TAFA1: variants seen among roughly 807,000 people sequenced by gnomAD.
The protein encoded by TAFA1 is chemokine-like protein TAFA-1.
A neutral mutation model predicts 18.5 loss-of-function variants in TAFA1; 4 were observed. The observed-to-expected ratio is 0.22, with a 90% CI of 0.11 to 0.49. The LOEUF (loss-of-function observed/expected upper bound fraction) is 0.49. TAFA1 is among the 20% of genes least tolerant of loss of function. The pLI is 0.98. For missense variants in TAFA1, 147 were observed against 169.0 expected, an observed-to-expected ratio of 0.87 and a Z score of 0.72; for synonymous variants, 56 against 55.2, an observed-to-expected ratio of 1.01 and a Z score of -0.06.
intron 2 of TAFA1, among the ~76,000 whole-genome samples, chr3:68,089,533 A>G (rs2065008359): frequency 6.6e-6 from 1 of 152,172 alleles, no homozygotes; most frequent in Non-Finnish European, 1.5e-5. Context: ...TATAAGAGAG[A>G]AGGCAAATAC....
intron 2 of TAFA1, among the ~76,000 whole-genome samples, chr3:68,077,614 G>C (rs1461824714): frequency 6.6e-6 from 1 of 151,914 alleles, no homozygotes; most frequent in Non-Finnish European, 1.5e-5. Flanking sequence ...AGATCAGATA[G>C]TTGTAGATAT....
intron 3 of TAFA1, among the ~76,000 whole-genome samples, chr3:68,463,608 C>T (rs1277544132): frequency 6.6e-6 from 1 of 152,104 alleles, no homozygotes; most frequent in Non-Finnish European, 1.5e-5. Flanking sequence ...GAATCTTGAT[C>T]CATGTCCTGT....
intron 2 of TAFA1, among the ~76,000 whole-genome samples, chr3:68,217,378 T>A (rs1172532753): frequency 6.6e-6 from 1 of 151,976 alleles, no homozygotes; most frequent in African/African-American, 2.4e-5. Context: ...CTATAAGTTA[T>A]CTGACCAGTA....
intron 3 of TAFA1, among the ~76,000 whole-genome samples, chr3:68,479,637 A>G (rs1235364826): frequency 6.6e-6 from 1 of 152,118 alleles, no homozygotes; most frequent in East Asian, 1.9e-4. Context: ...TTTGTAGGAG[A>G]GATTCTGGAA....
At chr3:68,263,537 C>A (rs2067479885) in intron 2 of TAFA1, among the ~76,000 whole-genome samples, 1 of 151,258 alleles carries the variant, frequency 6.6e-6, no homozygotes, top group Non-Finnish European at 1.5e-5. Context: ...AAGTTACTGG[C>A]ATTTGACTCT....
chr3:68,097,076 G>A (rs2065094974), intron 2 of TAFA1, among the ~76,000 whole-genome samples: 1 of 152,074 alleles, frequency 6.6e-6, no homozygotes, highest in African/African-American at 2.4e-5. Context: ...GCTCTGGGAT[G>A]ATTCCTAAGC....
At chr3:68,293,712 C>G (rs1485941294) in intron 2 of TAFA1, among the ~76,000 whole-genome samples, 2 of 152,102 alleles carry the variant, frequency 1.3e-5, no homozygotes, top group Admixed American at 6.6e-5. Flanking sequence ...TATTTAATAT[C>G]TTAGGTTTTT....
intron 2 of TAFA1, among the ~76,000 whole-genome samples, chr3:68,074,460 C>T (rs1402665067): frequency 6.6e-6 from 1 of 152,126 alleles, no homozygotes; most frequent in Admixed American, 6.5e-5. Context: ...CTATTTCCTG[C>T]TCTATGACCT....
chr3:68,225,392 C>A (rs2066785803), intron 2 of TAFA1, among the ~76,000 whole-genome samples: 1 of 152,018 alleles, frequency 6.6e-6, no homozygotes, highest in Non-Finnish European at 1.5e-5. Flanking sequence ...ATAAATTTAC[C>A]CACACCAAAG....
chr3:68,044,926 G>T (rs1705237437), intron 2 of TAFA1, among the ~76,000 whole-genome samples: 1 of 152,210 alleles, frequency 6.6e-6, no homozygotes, highest in African/African-American at 2.4e-5. Context: ...CATCGTAATT[G>T]TATGAATCGG....
intron 2 of TAFA1, among the ~76,000 whole-genome samples, chr3:68,236,880 T>C (rs1417785797): frequency 1.3e-5 from 2 of 152,190 alleles, no homozygotes; most frequent in Non-Finnish European, 2.9e-5. Context: ...TGGAGAATTA[T>C]TGACAGCACA....
chr3:68,049,049 T>C (rs2064432815), intron 2 of TAFA1, among the ~76,000 whole-genome samples: 1 of 152,200 alleles, frequency 6.6e-6, no homozygotes, highest in African/African-American at 2.4e-5. Flanking sequence ...CTGTTCTCCA[T>C]AGTGATTGCA....
intron 2 of TAFA1, among the ~76,000 whole-genome samples, chr3:68,104,662 TATAA>T (rs1046023284): frequency 5.9e-5 from 9 of 152,204 alleles, no homozygotes; most frequent in African/African-American, 1.9e-4. Context: ...AAGTTTTATT[TATAA>T]ATAAATAAAT....
upstream of TAFA1, among the ~76,000 whole-genome samples, chr3:68,001,855 T>C (rs1322361172): frequency 2.0e-5 from 3 of 152,152 alleles, no homozygotes; most frequent in Admixed American, 1.3e-4. Context: ...CCATTAAAGA[T>C]TGGTAGGGGA....
At chr3:68,080,489 G>A (rs2064883224) in intron 2 of TAFA1, among the ~76,000 whole-genome samples, 1 of 152,020 alleles carries the variant, frequency 6.6e-6, no homozygotes, top group Admixed American at 6.5e-5. Context: ...TCCTTCAGGA[G>A]CTCTTTTAGG....
chr3:68,183,510 G>T (rs1365665423), intron 2 of TAFA1, among the ~76,000 whole-genome samples: 1 of 152,066 alleles, frequency 6.6e-6, no homozygotes, highest in African/African-American at 2.4e-5. Flanking sequence ...ATGCAATAAA[G>T]ACTTTGATTG....
chr3:68,009,256 A>G (rs113796184), intron 2 of TAFA1, among the ~76,000 whole-genome samples: 17 of 152,214 alleles, frequency 1.1e-4, no homozygotes, highest in African/African-American at 3.6e-4. Flanking sequence ...AAGCTTTCAC[A>G]TAGTTGTCTC....
intron 2 of TAFA1, among the ~76,000 whole-genome samples, chr3:68,209,497 T>G (rs1187622027): frequency 6.6e-6 from 1 of 152,068 alleles, no homozygotes; most frequent in Non-Finnish European, 1.5e-5. Context: ...ACAATTAAGT[T>G]AAGAGGGTAG....
chr3:68,449,255 G>A (rs1282234740), intron 3 of TAFA1, among the ~76,000 whole-genome samples: 1 of 152,130 alleles, frequency 6.6e-6, no homozygotes, highest in East Asian at 1.9e-4. Context: ...TACAGCTACG[G>A]GGAACAGCAT....
Sources: allele counts gnomAD v4.1 joint callset (sites outside exome capture counted in the v4.1 genomes callset), GRCh38; gene constraint gnomAD v4.1.1; transcripts MANE v1.5; gene names NCBI Gene and HGNC (gene_info 2026-07-23, HGNC 2026-07-21).